Variants in CCBE1 observed in about 807,000 individuals in gnomAD.
CCBE1 encodes the protein collagen and calcium-binding EGF domain-containing protein 1.
In CCBE1, 37 loss-of-function variants were observed where a neutral mutation model predicts 50.0. The ratio of observed to expected loss-of-function variants is 0.74; its 90% CI spans 0.57 to 0.97. The LOEUF (loss-of-function observed/expected upper bound fraction) is 0.97, where lower values mean the gene tolerates loss of function less well. CCBE1 is among the 50% of genes least tolerant of loss of function. CCBE1 has a pLI of 0.00. For missense variants in CCBE1, 538 were observed against 523.8 expected (o/e 1.03, Z -0.26); for synonymous variants, 234 against 203.7 (o/e 1.15, Z -1.27).
At chr18:59,648,546 A>T in intron 2 of CCBE1, among the ~76,000 whole-genome samples, 1 of 152,146 alleles carries the variant, frequency 6.6e-6, no homozygotes, top group Non-Finnish European at 1.5e-5. Context: ...TCTTTACTAA[A>T]AACACAAAAA....
At chr18:59,578,803 G>T (rs770730461) in intron 2 of CCBE1, among the ~76,000 whole-genome samples, 2 of 152,182 alleles carry the variant, frequency 1.3e-5, no homozygotes, top group Admixed American at 6.5e-5. Flanking sequence ...CGTCAGGGCT[G>T]GGGGTGGCTA....
rs376335858 is a variant in CCBE1 at position 59,669,885 on chromosome 18, T to C, written c.212+26744A>G. 3.2e-4 allele frequency among the ~76,000 whole-genome samples: 49 copies of C among 152,312 alleles called. 4 individuals are homozygous for C. In the South Asian group the frequency reaches 8.5e-3, roughly 26 times the overall value. On this transcript the variant is annotated intron_variant, in intron 2 of 10. Transcript: ENST00000439986. ...TAACGCCATGGGGTTGTTGTGTAAA[T>C]GTACCCAGCACAGTGTGTAGCACAG... is the stretch of plus-strand genomic sequence containing the variant.
chr18:59,468,736 A>C (rs1245278651), intron 4 of CCBE1, among the ~76,000 whole-genome samples: 3 of 152,150 alleles, frequency 2.0e-5, no homozygotes, highest in Non-Finnish European at 4.4e-5. Flanking sequence ...TTGATTCTTA[A>C]ATCTCACCAT....
At position 59,439,561 on chromosome 18, in the gene CCBE1, T is replaced by C. The variant is rs1192962588; in HGVS notation, c.933A>G (p.Pro311=). 2.5e-6 allele frequency: 4 copies of C among 1,614,164 alleles called. No individual in the cohort carries two copies. Among genetic ancestry groups the C allele is most frequent in the African/African-American group, 1.3e-5 (1 of 74,956 alleles). The part of the protein sequence containing the change: ...RRGPVGPPGA[P]GRDGSKGERG... ...GGCTTACCTTAGAACCATCTCTTCCTGGTGCCCCTGGTGGACCCTGTAATA... is the reference window on the plus strand; with the variant it reads ...GGCTTACCTTAGAACCATCTCTTCCCGGTGCCCCTGGTGGACCCTGTAATA... The change falls in exon 9 of 11, where the codon CCA becomes CCG. Residue 311 remains proline, a synonymous_variant. Transcript: ENST00000439986.
chr18:59,506,564 G>A (rs775271221), intron 2 of CCBE1, among the ~76,000 whole-genome samples: 2 of 152,204 alleles, frequency 1.3e-5, no homozygotes, highest in African/African-American at 4.8e-5. Context: ...TCAAAGGATA[G>A]AGCCCATCTG....
intron 2 of CCBE1, among the ~76,000 whole-genome samples, chr18:59,628,382 T>C (rs574587447): frequency 6.6e-6 from 1 of 152,280 alleles, no homozygotes; most frequent in Admixed American, 6.5e-5. Flanking sequence ...AAAATGGTAT[T>C]TTTTCCTAAC....
intron 2 of CCBE1, among the ~76,000 whole-genome samples, chr18:59,682,444 C>T (rs1279781930): frequency 1.3e-5 from 2 of 152,208 alleles, no homozygotes; most frequent in Non-Finnish European, 2.9e-5. Flanking sequence ...TTTGATAAAA[C>T]TTAAGATGCT....
At chr18:59,605,402 C>G (rs1293732049) in intron 2 of CCBE1, among the ~76,000 whole-genome samples, 2 of 152,148 alleles carry the variant, frequency 1.3e-5, no homozygotes, top group Non-Finnish European at 2.9e-5. Context: ...CATGAACTAG[C>G]TGGGGTGTAG....
chr18:59,666,241 C>G (rs764032198), intron 2 of CCBE1: 7 of 152,060 alleles, frequency 4.6e-5, no homozygotes, highest in Admixed American at 3.3e-4. Context: ...GAGAACGGCA[C>G]GGGAAAAACC....
At chr18:59,479,505 C>T (rs756986781) in intron 3 of CCBE1, among the ~76,000 whole-genome samples, 1 of 152,200 alleles carries the variant, frequency 6.6e-6, no homozygotes, top group Non-Finnish European at 1.5e-5. Flanking sequence ...TAAGAAACAG[C>T]CTCTGTTCCA....
chr18:59,441,023 T>C (rs1201429596), intron 7 of CCBE1, among the ~76,000 whole-genome samples: 2 of 152,166 alleles, frequency 1.3e-5, no homozygotes, highest in Non-Finnish European at 2.9e-5. Context: ...TTGAAGACTG[T>C]GGAACACAAA....
At chr18:59,613,727 C>G (rs1415649142) in intron 2 of CCBE1, among the ~76,000 whole-genome samples, 2 of 151,470 alleles carry the variant, frequency 1.3e-5, no homozygotes, top group Non-Finnish European at 2.9e-5. Context: ...AGTGAGACCC[C>G]ATCTTTATTA....
chr18:59,589,816 G>GAAA (rs10715103), intron 2 of CCBE1, among the ~76,000 whole-genome samples: 1 of 133,106 alleles, frequency 7.5e-6, no homozygotes, highest in Non-Finnish European at 1.6e-5. Flanking sequence ...AAAAAAGAAA[G>GAAA]AAAAAAAAAA....
intron 3 of CCBE1, among the ~76,000 whole-genome samples, chr18:59,477,271 G>C (rs117448359): frequency 3.2e-3 from 491 of 152,318 alleles, no homozygotes; most frequent in Non-Finnish European, 5.4e-3. Context: ...CACACCCTGT[G>C]ATTAAAAAGT....
chr18:59,447,162 T>C (rs1301934434), intron 7 of CCBE1, among the ~76,000 whole-genome samples: 1 of 152,236 alleles, frequency 6.6e-6, no homozygotes, highest in Non-Finnish European at 1.5e-5. Context: ...AAGCTGAAAG[T>C]ACACATTCAC....
intron 2 of CCBE1, among the ~76,000 whole-genome samples, chr18:59,514,343 G>A (rs1439254592): frequency 1.3e-5 from 2 of 151,860 alleles, no homozygotes; most frequent in East Asian, 3.9e-4. Flanking sequence ...CCCCTGACAC[G>A]GCTCCTCCAT....
intron 2 of CCBE1, among the ~76,000 whole-genome samples, chr18:59,646,264 T>TTTG (rs755981834): frequency 3.6e-4 from 55 of 152,280 alleles, no homozygotes; most frequent in Non-Finnish European, 5.0e-4. Flanking sequence ...ACTGTCAGAA[T>TTTG]TTGTTGGGAC....
intron 2 of CCBE1, among the ~76,000 whole-genome samples, chr18:59,640,520 T>C (rs753110152): frequency 6.6e-6 from 1 of 152,006 alleles, no homozygotes; most frequent in Non-Finnish European, 1.5e-5. Flanking sequence ...CCCAAGACTA[T>C]AAAAACTCTG....
chr18:59,580,132 G>T (rs902846421), intron 2 of CCBE1, among the ~76,000 whole-genome samples: 2 of 152,168 alleles, frequency 1.3e-5, no homozygotes, highest in Non-Finnish European at 2.9e-5. Context: ...CTAAGCTAAA[G>T]GGAAAATTTA....
Sources: allele counts gnomAD v4.1 joint callset (sites outside exome capture counted in the v4.1 genomes callset), GRCh38; gene constraint gnomAD v4.1.1; transcripts MANE v1.5; gene names NCBI Gene and HGNC (gene_info 2026-07-23, HGNC 2026-07-21).